Variants in FGF12 observed in about 807,000 individuals in gnomAD.
FGF12 encodes the protein fibroblast growth factor 12B.
A neutral mutation model predicts 23.6 loss-of-function variants in FGF12; 14 were observed. The ratio of observed to expected loss-of-function variants is 0.59; its 90% CI spans 0.39 to 0.93. The LOEUF (loss-of-function observed/expected upper bound fraction) is 0.93. Ranked by LOEUF, FGF12 falls within the 40% of genes least tolerant of loss-of-function variation. The pLI is 0.00. For synonymous variants in FGF12, 62 were observed against 77.3 expected (o/e 0.80, Z 1.04); for missense variants, 175 against 217.8 (o/e 0.80, Z 1.24).
intron 2 of FGF12, among the ~76,000 whole-genome samples, chr3:192,665,475 T>C (rs888966792): frequency 1.3e-5 from 2 of 152,058 alleles, no homozygotes; most frequent in Admixed American, 1.3e-4. Flanking sequence ...ATGGATGAAG[T>C]TGAAAACCTT....
At chr3:192,272,290 C>A (rs1272337946) in intron 4 of FGF12, among the ~76,000 whole-genome samples, 1 of 152,064 alleles carries the variant, frequency 6.6e-6, no homozygotes, top group Non-Finnish European at 1.5e-5. Context: ...AGGCTCATTT[C>A]GTTTCAAGCC....
At chr3:192,449,886 C>T (rs1382204050) in intron 2 of FGF12, among the ~76,000 whole-genome samples, 2 of 152,178 alleles carry the variant, frequency 1.3e-5, no homozygotes, top group African/African-American at 4.8e-5. Context: ...GTATCTCAGC[C>T]TTATGACAGC....
chr3:192,455,346 C>T (rs1722648523), intron 2 of FGF12, among the ~76,000 whole-genome samples: 3 of 152,190 alleles, frequency 2.0e-5, no homozygotes, highest in Admixed American at 2.0e-4. Context: ...AAGATTGAAA[C>T]TCTTGATCAG....
chr3:192,393,744 C>A (rs1309201996), intron 2 of FGF12, among the ~76,000 whole-genome samples: 1 of 152,092 alleles, frequency 6.6e-6, no homozygotes, highest in African/African-American at 2.4e-5. Context: ...TAATCATATC[C>A]TTCCTTACCA....
intron 2 of FGF12, among the ~76,000 whole-genome samples, chr3:192,428,601 T>C (rs1039930272): frequency 2.0e-5 from 3 of 152,188 alleles, no homozygotes; most frequent in African/African-American, 7.2e-5. Context: ...GTTCTCATAA[T>C]TGGGCAATGC....
chr3:192,394,438 A>G (rs376381413), intron 2 of FGF12, among the ~76,000 whole-genome samples: 8 of 152,352 alleles, frequency 5.3e-5, no homozygotes, highest in African/African-American at 1.9e-4. Context: ...AGAACTTCAT[A>G]TCAAACATAT....
chr3:192,401,715 T>C (rs1429814343), intron 2 of FGF12, among the ~76,000 whole-genome samples: 1 of 152,226 alleles, frequency 6.6e-6, no homozygotes, highest in Non-Finnish European at 1.5e-5. Flanking sequence ...AAATTCATCT[T>C]AGGCTTCTCA....
chr3:192,672,783 T>A (rs1044430047), intron 2 of FGF12, among the ~76,000 whole-genome samples: 3 of 150,856 alleles, frequency 2.0e-5, no homozygotes, highest in Non-Finnish European at 3.0e-5. Context: ...AAAGATGAAG[T>A]TTGGAACTCT....
chr3:192,534,977 A>G (rs765507001), intron 2 of FGF12, among the ~76,000 whole-genome samples: 1 of 152,118 alleles, frequency 6.6e-6, no homozygotes, highest in Non-Finnish European at 1.5e-5. Context: ...ATGATCTTAT[A>G]TTCTATTTTT....
At chr3:192,547,316 A>T (rs539803459) in intron 2 of FGF12, among the ~76,000 whole-genome samples, 10 of 152,314 alleles carry the variant, frequency 6.6e-5, no homozygotes, top group African/African-American at 2.4e-4. Context: ...TTTTATAAGT[A>T]GTCTCTATGA....
At chr3:192,596,223 A>T (rs1389933329) in intron 2 of FGF12, among the ~76,000 whole-genome samples, 1 of 151,482 alleles carries the variant, frequency 6.6e-6, no homozygotes, top group Non-Finnish European at 1.5e-5. Flanking sequence ...TTAACTGCTG[A>T]TGATATTGAA....
chr3:192,540,700 C>T (rs951862198), intron 2 of FGF12, among the ~76,000 whole-genome samples: 2 of 152,004 alleles, frequency 1.3e-5, no homozygotes, highest in East Asian at 1.9e-4. Context: ...GCTAATTTTC[C>T]GTGAGGATGA....
Position 192,385,169 on chromosome 3 carries a change from G to A in FGF12, c.14-24631C>T, listed in dbSNP as rs76283569. ...TGAGCACTTTGTGCTGAGGCTCTAC[G>A]TGAAGTACCAAGTATCTCTTAATGT... On this transcript the variant is annotated intron_variant, in intron 2 of 5. Coordinates refer to ENST00000445105, the MANE Select transcript of FGF12 (RefSeq NM_004113.6). 2.2e-4 allele frequency among the ~76,000 whole-genome samples: 33 copies of A among 152,170 alleles called. No individual in the cohort carries two copies. In the East Asian group the frequency reaches 4.1e-3, roughly 19 times the overall value.
chr3:192,364,428 A>G (rs1246107138), intron 2 of FGF12, among the ~76,000 whole-genome samples: 4 of 152,154 alleles, frequency 2.6e-5, no homozygotes, highest in Non-Finnish European at 4.4e-5. Flanking sequence ...TTTGTGCTCT[A>G]AAGTGGTGTG....
At position 192,405,657 on chromosome 3, in the gene FGF12, C is replaced by T. The variant is rs144360536; in HGVS notation, c.14-45119G>A. Among the ~76,000 whole-genome samples, 927 of 140,542 alleles carry T rather than the reference C, an allele frequency of 6.6e-3. 2 individuals are homozygous for T. The highest frequency in any genetic ancestry group is 0.011 in the Non-Finnish European group (645 of 60,814). 92.2% of individuals were successfully genotyped at this position (140,542 alleles called of 152,430 possible). A position where few individuals can be genotyped will look rare whatever the true frequency, so the allele number is the denominator to read the frequency against. The stretch of plus-strand genomic sequence containing the variant: ...CATCAAAGTGATTATAAAACAGATT[C>T]GAATAGTTTTTCTTTTTGGTGTTTA... On this transcript the variant is annotated intron_variant, in intron 2 of 5. Transcript: ENST00000445105.
At chr3:192,297,162 G>T (rs1715086004) in intron 4 of FGF12, among the ~76,000 whole-genome samples, 1 of 152,096 alleles carries the variant, frequency 6.6e-6, no homozygotes, top group Admixed American at 6.5e-5. Flanking sequence ...ATAATAATAA[G>T]AGAAAAACCT....
rs538489117 is a variant in FGF12 at position 192,368,065 on chromosome 3, G to A, written c.14-7527C>T. On this transcript the variant is annotated intron_variant, in intron 2 of 5. Transcript: ENST00000445105. Reference sequence around the variant, plus strand: ...ATTCTTCTGGGCAAAAGGGATAATCGGTGCATGCTAGTAAATCAACTCTCC... The same window carrying A: ...ATTCTTCTGGGCAAAAGGGATAATCAGTGCATGCTAGTAAATCAACTCTCC... Among the ~76,000 whole-genome samples, 10 of 152,128 alleles carry A rather than the reference G, an allele frequency of 6.6e-5. No individual in the cohort carries two copies. In the East Asian group the frequency reaches 7.7e-4, roughly 12 times the overall value.
intron 2 of FGF12, among the ~76,000 whole-genome samples, chr3:192,394,436 A>G (rs939618220): frequency 6.6e-6 from 1 of 152,214 alleles, no homozygotes; most frequent in Non-Finnish European, 1.5e-5. Flanking sequence ...CTAGAACTTC[A>G]TATCAAACAT....
chr3:192,380,476 T>C (rs1719768074), intron 2 of FGF12, among the ~76,000 whole-genome samples: 1 of 152,182 alleles, frequency 6.6e-6, no homozygotes, highest in African/African-American at 2.4e-5. Flanking sequence ...AAAGAAAGTA[T>C]AGATGGTGGC....
Sources: allele counts gnomAD v4.1 joint callset (sites outside exome capture counted in the v4.1 genomes callset), GRCh38; gene constraint gnomAD v4.1.1; transcripts MANE v1.5; gene names NCBI Gene and HGNC (gene_info 2026-07-23, HGNC 2026-07-21).